The following ELMO1 variants were observed in gnomAD, a reference collection of about 807,000 sequenced individuals.
The protein encoded by ELMO1 is engulfment and cell motility 1.
A neutral mutation model predicts 98.9 loss-of-function variants in ELMO1; 26 were observed. That is an observed-to-expected ratio of 0.26 (90% CI 0.19 to 0.36). ELMO1 has a LOEUF of 0.36. Ranked by LOEUF, ELMO1 falls within the 10% of genes least tolerant of loss-of-function variation. The pLI, the probability that ELMO1 is intolerant of heterozygous loss-of-function variation, is 1.00. For missense variants in ELMO1, 627 were observed against 935.2 expected (o/e 0.67, Z 4.30); for synonymous variants, 346 against 346.0 (o/e 1.00, Z 0.00).
At chr7:36,862,197 A>G (rs1802693961) in intron 20 of ELMO1, 1 of 174,738 alleles carries the variant, frequency 5.7e-6, no homozygotes. Context: ...TATCATCCTA[A>G]GAAAGACAGA....
intron 16 of ELMO1, among the ~76,000 whole-genome samples, chr7:36,924,079 A>G (rs1242953601): frequency 6.6e-6 from 1 of 152,240 alleles, no homozygotes; most frequent in Non-Finnish European, 1.5e-5. Context: ...TGCTGAGGTC[A>G]TGAGAACTGT....
At chr7:37,142,804 A>C (rs554072027) in intron 13 of ELMO1, among the ~76,000 whole-genome samples, 1 of 152,346 alleles carries the variant, frequency 6.6e-6, no homozygotes, top group Non-Finnish European at 1.5e-5. Flanking sequence ...TAAATACGTA[A>C]GAAAGGAAAT....
chr7:37,230,078 T>C lies in ELMO1; in HGVS notation c.549+3017A>G, dbSNP rs534828573. ...TATATTTAAATACAGTACTTTTTTT[T>C]CCTTCTCTTCTTCAAATTCTGTGGG... On this transcript the variant is annotated intron_variant, in intron 8 of 21. Transcript: ENST00000310758. Among the ~76,000 whole-genome samples, 5 of 152,306 alleles carry C rather than the reference T, an allele frequency of 3.3e-5. No homozygotes were observed. The East Asian group carries it at 7.7e-4, about 24-fold the overall frequency.
At chr7:37,052,668 A>C (rs370033208) in intron 15 of ELMO1, among the ~76,000 whole-genome samples, 11 of 152,318 alleles carry the variant, frequency 7.2e-5, no homozygotes, top group African/African-American at 2.6e-4. Flanking sequence ...TGCATAACTC[A>C]TCTTTCTTGA....
intron 4 of ELMO1, among the ~76,000 whole-genome samples, chr7:37,291,106 G>A (rs1476831871): frequency 6.6e-6 from 1 of 152,064 alleles, no homozygotes; most frequent in Non-Finnish European, 1.5e-5. Flanking sequence ...GCAAGTCATG[G>A]AAGTGGCAGA....
rs571729382 is a variant in ELMO1 at position 37,085,141 on chromosome 7, C to T, written c.1300+11478G>A. Among the ~76,000 whole-genome samples the T allele has an allele frequency of 5.3e-5, 8 of 152,248 alleles. No individual in the cohort carries two copies. In the South Asian group the frequency reaches 1.7e-3, roughly 32 times the overall value. On this transcript the variant is annotated intron_variant, in intron 15 of 21. Transcript: ENST00000310758. ...GCATCCACCTTCTAATCTATTCCAA[C>T]CACCAGGTAAATCTTTACAACCAAA...
chr7:37,115,313 A>G (rs1173268236), intron 14 of ELMO1, among the ~76,000 whole-genome samples: 2 of 152,210 alleles, frequency 1.3e-5, no homozygotes, highest in Non-Finnish European at 2.9e-5. Flanking sequence ...ATGCGGATCT[A>G]TATAGCTCTC....
rs186420249 is a variant in ELMO1 at position 36,998,915 on chromosome 7, G to A, written c.1437+14384C>T. 2.4e-3 allele frequency among the ~76,000 whole-genome samples: 372 copies of A among 151,968 alleles called. 1 individual carries two copies. Among genetic ancestry groups the A allele is most frequent in the African/African-American group, 8.6e-3 (356 of 41,432 alleles). On this transcript the variant is annotated intron_variant, in intron 16 of 21. Transcript: ENST00000310758. Reference sequence around the variant, plus strand: ...AGCTGCAGGGGCACAGGTGAATAGGGGGTTGAGAAAATCATTTATTTATTA... The same window carrying A: ...AGCTGCAGGGGCACAGGTGAATAGGAGGTTGAGAAAATCATTTATTTATTA...
At chr7:37,400,153 A>G (rs1471180695) in intron 1 of ELMO1, among the ~76,000 whole-genome samples, 1 of 152,242 alleles carries the variant, frequency 6.6e-6, no homozygotes, top group Non-Finnish European at 1.5e-5. Flanking sequence ...ATTGTAAATG[A>G]GATGACACAT....
At position 37,258,533 on chromosome 7, in the gene ELMO1, T is replaced by C. The variant is rs117951653; in HGVS notation, c.413+648A>G. ...ATTACACGCAATAGAATTCTGCCCA[T>C]ATGATAGTCTCCATCAATTTCTGGA... On this transcript the variant is annotated intron_variant, in intron 6 of 21. Coordinates refer to ENST00000310758, the MANE Select transcript of ELMO1 (RefSeq NM_014800.11). Among the ~76,000 whole-genome samples, 660 of 152,304 alleles carry C rather than the reference T, an allele frequency of 4.3e-3. 2 individuals carry two copies. Among genetic ancestry groups the C allele is most frequent in the Admixed American group, 9.1e-3 (139 of 15,292 alleles).
intron 14 of ELMO1, among the ~76,000 whole-genome samples, chr7:37,124,033 A>G (rs919420469): frequency 1.3e-5 from 2 of 152,220 alleles, no homozygotes; most frequent in Non-Finnish European, 2.9e-5. Flanking sequence ...CCAACGACAA[A>G]AACCACATGA....
intron 15 of ELMO1, among the ~76,000 whole-genome samples, chr7:37,094,212 C>T (rs1784261262): frequency 6.6e-6 from 1 of 152,202 alleles, no homozygotes; most frequent in South Asian, 2.1e-4. Context: ...CAAGCCCAGT[C>T]TCAATGCAGA....
rs1056800875 is a variant in ELMO1, at chr7:36,868,967, T to G, written c.1905+1426A>C. On this transcript the variant is annotated intron_variant, in intron 20 of 21. Transcript: ENST00000310758. ...GAGATTGTGGAGAGAATACCTGACA[T>G]GTGCAGCATATGGTAATCCCGGCTA... is the stretch of plus-strand genomic sequence containing the variant. Among the ~76,000 whole-genome samples the G allele has an allele frequency of 2.0e-5, 3 of 152,242 alleles. No individual in the cohort carries two copies. The East Asian group carries it at 5.8e-4, about 29-fold the overall frequency.
intron 20 of ELMO1, chr7:36,862,170 A>G: frequency 5.4e-6 from 1 of 186,210 alleles, no homozygotes; most frequent in Non-Finnish European, 1.1e-5. Context: ...AACAGGATTA[A>G]GGACTGCCCT....
chr7:36,952,964 CTTTTTTTTTTT>C (rs70980904), intron 16 of ELMO1, among the ~76,000 whole-genome samples: 6 of 82,882 alleles, frequency 7.2e-5, no homozygotes, highest in Non-Finnish European at 9.4e-5. Flanking sequence ...AGTCACTACT[CTTTTTTTTTTT>C]TTTTTTTTTT....
intron 15 of ELMO1, among the ~76,000 whole-genome samples, chr7:37,017,121 C>T (rs1054740249): frequency 1.3e-5 from 2 of 152,160 alleles, no homozygotes; most frequent in African/African-American, 4.8e-5. Flanking sequence ...ACTGGAATAC[C>T]AGGGTTACGC....
At position 36,883,094 on chromosome 7, in the gene ELMO1, G is replaced by C. The variant is rs574706518; in HGVS notation, c.1714+4466C>G. 1.2e-3 allele frequency among the ~76,000 whole-genome samples: 181 copies of C among 152,330 alleles called. 2 individuals are homozygous for C. In the South Asian group the frequency reaches 0.012, roughly 10 times the overall value. Reference sequence around the variant, plus strand: ...ACTTGGCTCTAGGTCTTCTGAGGGGGCCTCCAGAGCAACGTAAGATATACC... The same window carrying C: ...ACTTGGCTCTAGGTCTTCTGAGGGGCCCTCCAGAGCAACGTAAGATATACC... On this transcript the variant is annotated intron_variant, in intron 18 of 21. Coordinates refer to ENST00000310758, the MANE Select transcript of ELMO1 (RefSeq NM_014800.11).
chr7:37,130,714 T>C (rs568089504), intron 14 of ELMO1, among the ~76,000 whole-genome samples: 36 of 151,922 alleles, frequency 2.4e-4, no homozygotes, highest in African/African-American at 8.2e-4. Flanking sequence ...TACCTGGGAG[T>C]GACAAGGGCA....
At chr7:37,093,613 A>T (rs890589880) in intron 15 of ELMO1, among the ~76,000 whole-genome samples, 2 of 152,222 alleles carry the variant, frequency 1.3e-5, no homozygotes, top group African/African-American at 4.8e-5. Flanking sequence ...ATAAGGGTGT[A>T]TTCAGATTAG....
Sources: gnomAD v4.1 joint callset for allele counts (sites outside exome capture counted in the v4.1 genomes callset) on GRCh38, gnomAD v4.1.1 for gene constraint, MANE v1.5 for transcripts, NCBI Gene and HGNC (gene_info 2026-07-23, HGNC 2026-07-21) for gene names.